The following SCNN1B variants were observed in gnomAD, a reference collection of about 807,000 sequenced individuals.
The protein encoded by SCNN1B is epithelial sodium channel subunit beta.
Under a neutral mutation model 65.3 loss-of-function variants are expected in SCNN1B, and 46 were observed. The observed-to-expected ratio is 0.70, with a 90% CI of 0.56 to 0.90. The LOEUF is 0.90. Ranked by LOEUF, SCNN1B falls within the 40% of genes least tolerant of loss-of-function variation. The pLI is 0.00. For missense variants in SCNN1B, 751 were observed against 830.5 expected (o/e 0.90, Z 1.18); for synonymous variants, 349 against 330.6 (o/e 1.06, Z -0.60).
At chr16:23,357,689 G>C (rs1175593652) in intron 4 of SCNN1B, among the ~76,000 whole-genome samples, 3 of 152,214 alleles carry the variant, frequency 2.0e-5, no homozygotes, top group Non-Finnish European at 4.4e-5. Flanking sequence ...ATGTCCCATT[G>C]TACAGATTAG....
intron 2 of SCNN1B, among the ~76,000 whole-genome samples, chr16:23,295,315 C>T (rs1960980182): frequency 6.6e-6 from 1 of 152,082 alleles, no homozygotes; most frequent in Admixed American, 6.6e-5. Context: ...AACTCCTGGG[C>T]TCAAGCAATC....
chr16:23,349,057 T>C (rs1962253291), intron 2 of SCNN1B, 147 bp downstream of exon 2: 1 of 695,516 alleles, frequency 1.4e-6, no homozygotes, highest in South Asian at 1.8e-5. Context: ...CCTTCCTTTC[T>C]CCCTTTATTA....
At chr16:23,292,117 C>A (rs1233847699) in intron 2 of SCNN1B, among the ~76,000 whole-genome samples, 1 of 151,930 alleles carries the variant, frequency 6.6e-6, no homozygotes, top group Non-Finnish European at 1.5e-5. Context: ...CTGCCCTTGG[C>A]ACCCTTAGTT....
chr16:23,291,584 T>C (rs563861157), intron 2 of SCNN1B, among the ~76,000 whole-genome samples: 1 of 151,790 alleles, frequency 6.6e-6, no homozygotes, highest in African/African-American at 2.4e-5. Context: ...TTTTTTATTA[T>C]ATTTTTTTGA....
intron 10 of SCNN1B, among the ~76,000 whole-genome samples, chr16:23,377,603 C>CTTCCTTCTTTCTTCCTTCCTTCA (rs1567319402): frequency 4.2e-4 from 58 of 138,360 alleles, no homozygotes; most frequent in African/African-American, 1.7e-3. Context: ...CCCTTCCTTC[C>CTTCCTTCTTTCTTCCTTCCTTCA]TTCCTTCTTT....
intron 1 of SCNN1B, among the ~76,000 whole-genome samples, chr16:23,343,923 C>T (rs147734247): frequency 1.3e-3 from 194 of 152,284 alleles, no homozygotes; most frequent in African/African-American, 4.5e-3. Flanking sequence ...CATCTATCAC[C>T]GTGGGGGTGA....
chr16:23,338,401 G>A (rs1961987501), intron 1 of SCNN1B, among the ~76,000 whole-genome samples: 1 of 152,188 alleles, frequency 6.6e-6, no homozygotes, highest in Non-Finnish European at 1.5e-5. Context: ...GGTTGCCCTT[G>A]CAGAGGCAGA....
At chr16:23,292,569 T>A (rs2141971145) in intron 2 of SCNN1B, among the ~76,000 whole-genome samples, 1 of 151,862 alleles carries the variant, frequency 6.6e-6, no homozygotes, top group South Asian at 2.1e-4. Flanking sequence ...AGAGGTGCGA[T>A]CATAGTTCAC....
intron 4 of SCNN1B, among the ~76,000 whole-genome samples, chr16:23,357,352 G>T (rs1393340395): frequency 6.6e-6 from 1 of 152,238 alleles, no homozygotes; most frequent in Non-Finnish European, 1.5e-5. Context: ...GGAGGCCAAG[G>T]CGGGTGGATC....
intron 1 of SCNN1B, among the ~76,000 whole-genome samples, chr16:23,337,935 G>A (rs1473777890): frequency 1.3e-5 from 2 of 151,942 alleles, no homozygotes; most frequent in East Asian, 3.9e-4. Flanking sequence ...AAATTAGCCG[G>A]GTGGCACGCA....
chr16:23,307,788 G>A (rs114346259), intron 1 of SCNN1B, among the ~76,000 whole-genome samples: 5,122 of 152,232 alleles, frequency 0.034, 271 homozygotes, highest in African/African-American at 0.12. Context: ...AGTGGCCATC[G>A]CCTGTAATCC....
intron 4 of SCNN1B, chr16:23,359,109 A>G (rs941887663): frequency 6.6e-6 from 1 of 152,130 alleles, no homozygotes; most frequent in South Asian, 2.1e-4. Flanking sequence ...TTTAAGAGAC[A>G]GGGTATCACT....
intron 4 of SCNN1B, among the ~76,000 whole-genome samples, chr16:23,367,401 T>A (rs239351): frequency 0.92 from 140,707 of 152,216 alleles, 65,130 homozygotes; most frequent in African/African-American, 0.96. Context: ...GGCTCAAGCG[T>A]TCCTCCCACC....
chr16:23,295,923 G>T (rs993649811), intron 2 of SCNN1B, among the ~76,000 whole-genome samples: 1 of 152,164 alleles, frequency 6.6e-6, no homozygotes, highest in African/African-American at 2.4e-5. Context: ...TTTAGTCTGA[G>T]CGAGCGGGAA....
At chr16:23,327,052 G>A (rs890844996) in intron 1 of SCNN1B, among the ~76,000 whole-genome samples, 1 of 152,036 alleles carries the variant, frequency 6.6e-6, no homozygotes, top group Non-Finnish European at 1.5e-5. Flanking sequence ...AAGAAGCTGG[G>A]ACTACAGGCA....
intron 7 of SCNN1B, among the ~76,000 whole-genome samples, chr16:23,373,912 A>C (rs1294794665): frequency 1.3e-5 from 2 of 152,168 alleles, no homozygotes; most frequent in East Asian, 3.9e-4. Flanking sequence ...TCATTCCAGG[A>C]AAACTGCATC....
At chr16:23,325,401 G>A (rs1961674162) in intron 1 of SCNN1B, among the ~76,000 whole-genome samples, 1 of 151,646 alleles carries the variant, frequency 6.6e-6, no homozygotes, top group Admixed American at 6.6e-5. Context: ...CGAGTTTTTG[G>A]GATTACCTTC....
intron 5 of SCNN1B, among the ~76,000 whole-genome samples, chr16:23,370,353 G>T (rs1281083580): frequency 6.6e-6 from 1 of 152,058 alleles, no homozygotes; most frequent in Non-Finnish European, 1.5e-5. Flanking sequence ...TGATCTGCCC[G>T]CTTCAGCCTC....
intron 4 of SCNN1B, among the ~76,000 whole-genome samples, chr16:23,356,988 G>A (rs935162046): frequency 6.6e-6 from 1 of 152,176 alleles, no homozygotes; most frequent in Non-Finnish European, 1.5e-5. Context: ...GCCCCTTGTC[G>A]GCCTCCTGAC....
Sources: gnomAD v4.1 joint callset for allele counts (sites outside exome capture counted in the v4.1 genomes callset) on GRCh38, gnomAD v4.1.1 for gene constraint, MANE v1.5 for transcripts, NCBI Gene and HGNC (gene_info 2026-07-23, HGNC 2026-07-21) for gene names.